Variants in CCDC171 observed in about 807,000 individuals in gnomAD.
The protein encoded by CCDC171 is coiled-coil domain containing 171, also known as coiled-coil domain-containing protein 171.
In CCDC171, 177 loss-of-function variants were observed where a neutral mutation model predicts 168.2. The observed-to-expected ratio is 1.05, with a 90% CI of 0.93 to 1.19. The LOEUF is 1.19. CCDC171 is among the 50% of genes most tolerant of loss of function. CCDC171 has a pLI of 0.00. For missense variants in CCDC171, 1,991 were observed against 1,539.0 expected (o/e 1.29, Z -4.91); for synonymous variants, 687 against 540.8 (o/e 1.27, Z -3.75).
At chr9:15,652,060 C>T (rs2047568556) in intron 7 of CCDC171, among the ~76,000 whole-genome samples, 1 of 152,142 alleles carries the variant, frequency 6.6e-6, no homozygotes, top group Admixed American at 6.6e-5. Context: ...AAGTGTGCCT[C>T]ACCACACCCG....
intron 23 of CCDC171, among the ~76,000 whole-genome samples, chr9:15,872,893 A>G (rs1817361506): frequency 6.6e-6 from 1 of 152,092 alleles, no homozygotes; most frequent in Admixed American, 6.6e-5. Context: ...TATAAAACCT[A>G]AAACAAATGT....
At chr9:15,672,901 G>A (rs1440416911) in intron 9 of CCDC171, among the ~76,000 whole-genome samples, 2 of 152,178 alleles carry the variant, frequency 1.3e-5, no homozygotes, top group Non-Finnish European at 2.9e-5. Context: ...GAAAGTCATT[G>A]GTAGCTTGAT....
At chr9:16,089,270 T>C in the CCDC171 span, among the ~76,000 whole-genome samples, 5 of 151,914 alleles carry the variant, frequency 3.3e-5, no homozygotes, top group East Asian at 9.9e-4. Flanking sequence ...GAAGAAAACC[T>C]AGGCAATACT....
chr9:16,082,735 A>C, the CCDC171 span, among the ~76,000 whole-genome samples: 2 of 152,230 alleles, frequency 1.3e-5, no homozygotes, highest in Non-Finnish European at 1.5e-5. Flanking sequence ...GGTAACATAG[A>C]ATGGACCGTG....
intron 6 of CCDC171, among the ~76,000 whole-genome samples, chr9:15,600,911 C>A (rs2042796350): frequency 6.6e-6 from 1 of 152,202 alleles, no homozygotes; most frequent in South Asian, 2.1e-4. Context: ...GAGCGAGGCT[C>A]CATGGGTGTA....
chr9:15,784,495 C>G lies in CCDC171; in HGVS notation c.3082-14C>G. On this transcript the variant is annotated splice_polypyrimidine_tract_variant and intron_variant, in intron 20 of 25. Transcript: ENST00000380701. ...AGCTTTATAACTGATTCTCCCCTCT[C>G]CTCCTTTTTACAGAAATTGATCACC... The G allele has an allele frequency of 6.3e-7, 1 of 1,584,024 alleles. No individual in the cohort carries two copies. Among genetic ancestry groups the G allele is most frequent in the East Asian group, 2.2e-5 (1 of 44,540 alleles).
chr9:15,893,315 C>G (rs893467572), intron 24 of CCDC171, among the ~76,000 whole-genome samples: 3 of 151,740 alleles, frequency 2.0e-5, no homozygotes, highest in Non-Finnish European at 4.4e-5. Context: ...ATGTAAAACC[C>G]AAAACTATAA....
chr9:15,844,680 T>C (rs1345486357), intron 21 of CCDC171, among the ~76,000 whole-genome samples: 1 of 152,120 alleles, frequency 6.6e-6, no homozygotes, highest in Non-Finnish European at 1.5e-5. Context: ...AGTATAAGCT[T>C]TAGAAGAGTT....
intron 16 of CCDC171, 132 bp downstream of exon 16, chr9:15,729,930 C>A: frequency 3.2e-6 from 2 of 616,990 alleles, no homozygotes; most frequent in Non-Finnish European, 5.6e-6. Context: ...TTTAGATACA[C>A]ATATATTTGT....
the CCDC171 span, among the ~76,000 whole-genome samples, chr9:16,075,917 AG>A: frequency 6.6e-6 from 1 of 152,200 alleles, no homozygotes; most frequent in Non-Finnish European, 1.5e-5. Flanking sequence ...AAGTAGATAG[AG>A]GGCATCCCAC....
intron 25 of CCDC171, among the ~76,000 whole-genome samples, chr9:15,944,364 T>A (rs1230056249): frequency 1.3e-5 from 2 of 151,914 alleles, no homozygotes; most frequent in Non-Finnish European, 2.9e-5. Context: ...GAAGAGGACT[T>A]GTCGATATAT....
chr9:15,562,568 A>T (rs1381405406), intron 1 of CCDC171, among the ~76,000 whole-genome samples: 1 of 152,146 alleles, frequency 6.6e-6, no homozygotes, highest in East Asian at 1.9e-4. Flanking sequence ...CTTTATTAAA[A>T]GTTTCGTAAC....
chr9:15,951,776 T>C (rs1003456629), intron 25 of CCDC171, among the ~76,000 whole-genome samples: 6 of 152,194 alleles, frequency 3.9e-5, no homozygotes, highest in Non-Finnish European at 7.3e-5. Flanking sequence ...CCTTAACAGA[T>C]ACATGATTTG....
chr9:16,033,276 C>T (rs995390685), intron 6 of CCDC171, among the ~76,000 whole-genome samples: 2 of 152,208 alleles, frequency 1.3e-5, no homozygotes, highest in Non-Finnish European at 2.9e-5. Context: ...CAGTCCGTGG[C>T]CCGTTAGGAA....
At chr9:15,991,825 C>A (rs192743732) in intron 3 of CCDC171, among the ~76,000 whole-genome samples, 4 of 152,146 alleles carry the variant, frequency 2.6e-5, no homozygotes, top group Admixed American at 2.6e-4. Context: ...ACTAGAAAAT[C>A]TAGAAGAAAT....
chr9:15,561,030 C>T (rs1168365715), intron 1 of CCDC171, among the ~76,000 whole-genome samples: 1 of 152,118 alleles, frequency 6.6e-6, no homozygotes, highest in Non-Finnish European at 1.5e-5. Context: ...AGCGGAAGCT[C>T]AGTTGGAAAT....
intron 24 of CCDC171, among the ~76,000 whole-genome samples, chr9:15,877,377 A>T (rs1817982682): frequency 6.6e-6 from 1 of 152,108 alleles, no homozygotes; most frequent in South Asian, 2.1e-4. Context: ...GCTTGTTTTC[A>T]TTACGTTTAA....
At chr9:15,954,445 T>G (rs1829562526) in intron 25 of CCDC171, among the ~76,000 whole-genome samples, 1 of 152,138 alleles carries the variant, frequency 6.6e-6, no homozygotes, top group African/African-American at 2.4e-5. Context: ...ATTGGTTATT[T>G]AAGAGTGTGT....
chr9:15,712,342 C>A (rs77757070), intron 11 of CCDC171, among the ~76,000 whole-genome samples: 83 of 152,306 alleles, frequency 5.4e-4, no homozygotes, highest in African/African-American at 1.9e-3. Flanking sequence ...TCCCTGGTAA[C>A]CTCCATTCTA....
Sources: gnomAD v4.1 joint callset for allele counts (sites outside exome capture counted in the v4.1 genomes callset) on GRCh38, gnomAD v4.1.1 for gene constraint, MANE v1.5 for transcripts, NCBI Gene and HGNC (gene_info 2026-07-23, HGNC 2026-07-21) for gene names.